The following VAMP1 variants were observed in gnomAD, a reference collection of about 807,000 sequenced individuals.
The protein encoded by VAMP1 is vesicle associated membrane protein 1.
Under a neutral mutation model 19.1 loss-of-function variants are expected in VAMP1, and 16 were observed. The ratio of observed to expected loss-of-function variants is 0.84; its 90% CI spans 0.57 to 1.27. The LOEUF (loss-of-function observed/expected upper bound fraction) is 1.27. Ranked by LOEUF, VAMP1 falls within the 50% of genes most tolerant of loss-of-function variation. The pLI is 0.00. For synonymous variants in VAMP1, 37 were observed against 50.2 expected (o/e 0.74, Z 1.11); for missense variants, 109 against 145.4 (o/e 0.75, Z 1.29).
In VAMP1 at chr12:6,463,719, T is replaced by C. The variant is rs1269695639; in HGVS notation, c.*751A>G. On this transcript the variant is annotated 3_prime_UTR_variant, in exon 5 of 5. Transcript: ENST00000396308. This position sits in a 1 kb window ranked among gnomAD's most constrained non-coding sequence, Gnocchi z 4.0. ...TTTGGTGCCCTCATACAGAATGCTG[T>C]AGAAAATGTAAAGAAGAGAAAGCTC... 2.7e-5 allele frequency: 31 copies of C among 1,153,096 alleles called. No homozygotes were observed. Among genetic ancestry groups the C allele is most frequent in the East Asian group, 6.7e-5 (1 of 15,022 alleles). 71.4% of individuals were successfully genotyped at this position (1,153,096 alleles called of 1,614,324 possible). A position where few individuals can be genotyped will look rare whatever the true frequency, so the allele number is the denominator to read the frequency against.
chr12:6,464,190 C>A lies in VAMP1; in HGVS notation c.*280G>T. 6.8e-7 allele frequency: 1 copy of A among 1,469,100 alleles called. No homozygotes were observed. Among genetic ancestry groups the A allele is most frequent in the Non-Finnish European group, 9.1e-7 (1 of 1,103,608 alleles). The allele number at this position is 1,469,100 out of a possible 1,614,324, so 91.0% of individuals were successfully genotyped here. A position where few individuals can be genotyped will look rare whatever the true frequency, so the allele number is the denominator to read the frequency against. On this transcript the variant is annotated 3_prime_UTR_variant, in exon 5 of 5. Coordinates refer to ENST00000396308, the MANE Select transcript of VAMP1 (RefSeq NM_014231.5). ...CTGCCCCTTCCCTTGGCCTCCAACT[C>A]TTTGGGGCTTTGGGGGAACTTGAGA...
chr12:6,464,335 A>G lies in VAMP1; in HGVS notation c.*135T>C. 6.5e-7 allele frequency: 1 copy of G among 1,550,168 alleles called. No individual in the cohort carries two copies. Among genetic ancestry groups the G allele is most frequent in the Non-Finnish European group, 8.7e-7 (1 of 1,146,264 alleles). On this transcript the variant is annotated 3_prime_UTR_variant, in exon 5 of 5. Transcript: ENST00000396308. Reference sequence around the variant, plus strand: ...CAGAGTGCAAATGAACGCAACGAAAAAGGAGGAATGGGTGATGGAGAAGCC... The same window carrying G: ...CAGAGTGCAAATGAACGCAACGAAAGAGGAGGAATGGGTGATGGAGAAGCC...
At position 6,464,457 on chromosome 12, in the gene VAMP1, G is replaced by C; in HGVS notation, c.*13C>G. 1 of 1,560,296 alleles carries C rather than the reference G, an allele frequency of 6.4e-7. No homozygotes were observed. Among genetic ancestry groups the C allele is most frequent in the Non-Finnish European group, 8.7e-7 (1 of 1,151,666 alleles). On this transcript the variant is annotated 3_prime_UTR_variant, in exon 5 of 5. Coordinates refer to ENST00000396308, the MANE Select transcript of VAMP1 (RefSeq NM_014231.5). ...TGGATGGCAATGGACAACAGGGAAG[G>C]GGTGGTACATTCTCAAGTAAAAAAG... is the stretch of plus-strand genomic sequence containing the variant.
At chr12:6,469,774 C>T (rs1454805816) in intron 1 of VAMP1, among the ~76,000 whole-genome samples, 2 of 152,128 alleles carry the variant, frequency 1.3e-5, no homozygotes, top group Admixed American at 1.3e-4. Flanking sequence ...CAAGATCATG[C>T]GAAGGGGGTG....
In VAMP1 at chr12:6,463,103, G is replaced by A. The variant is rs776900454; in HGVS notation, c.*1367C>T. ...CATCCTGAAGCTCAGCAATTGCCCC[G>A]AAGATAGGCTGAGCAGATCCCATCC... is the stretch of plus-strand genomic sequence containing the variant. On this transcript the variant is annotated 3_prime_UTR_variant, in exon 5 of 5. Coordinates refer to ENST00000396308, the MANE Select transcript of VAMP1 (RefSeq NM_014231.5). The surrounding 1 kb of genome is among the most constrained non-coding windows in gnomAD (Gnocchi z 4.0). 1,095 of 1,517,090 alleles carry A rather than the reference G, an allele frequency of 7.2e-4. 2 individuals carry two copies. Among genetic ancestry groups the A allele is most frequent in the Non-Finnish European group, 5.6e-4 (634 of 1,136,152 alleles). 94.0% of individuals were successfully genotyped at this position (1,517,090 alleles called of 1,614,324 possible). A position where few individuals can be genotyped will look rare whatever the true frequency, so the allele number is the denominator to read the frequency against.
At chr12:6,469,810 C>A (rs1565529268) in intron 1 of VAMP1, among the ~76,000 whole-genome samples, 1 of 152,170 alleles carries the variant, frequency 6.6e-6, no homozygotes, top group African/African-American at 2.4e-5. Flanking sequence ...GGAGACTAAA[C>A]TGTGTGTGTT....
Position 6,462,758 on chromosome 12 carries a change from G to A in VAMP1, c.*1712C>T. 6.8e-7 allele frequency: 1 copy of A among 1,476,712 alleles called. No homozygotes were observed. Among genetic ancestry groups the A allele is most frequent in the Non-Finnish European group, 9.2e-7 (1 of 1,089,722 alleles). The allele number at this position is 1,476,712 out of a possible 1,614,324, so 91.5% of individuals were successfully genotyped here. ...AGCGGTGACCCCCTGCATTAGGCAA[G>A]GAGGAGCCCAGAGGAGAGTGGAGAC... is the stretch of plus-strand genomic sequence containing the variant. On this transcript the variant is annotated 3_prime_UTR_variant, in exon 5 of 5. Coordinates refer to ENST00000396308, the MANE Select transcript of VAMP1 (RefSeq NM_014231.5).
At chr12:6,469,195 C>G (rs952336433) in intron 1 of VAMP1, among the ~76,000 whole-genome samples, 5 of 152,176 alleles carry the variant, frequency 3.3e-5, no homozygotes, top group African/African-American at 1.2e-4. Flanking sequence ...ATGGGAGCCA[C>G]AAGACTCTTG....
rs1949930129 is a variant in VAMP1 at position 6,463,369 on chromosome 12, G to C, written c.*1101C>G. On this transcript the variant is annotated 3_prime_UTR_variant, in exon 5 of 5. Coordinates refer to ENST00000396308, the MANE Select transcript of VAMP1 (RefSeq NM_014231.5). The surrounding 1 kb of genome is among the most constrained non-coding windows in gnomAD (Gnocchi z 4.0). ...TCTACATGACTTCTCTGCATCCTGAGGATCGGCCGGGCCCCAGGAAGAACC... is the reference window on the plus strand; with the variant it reads ...TCTACATGACTTCTCTGCATCCTGACGATCGGCCGGGCCCCAGGAAGAACC... 5 of 1,090,864 alleles carry C rather than the reference G, an allele frequency of 4.6e-6. No individual in the cohort carries two copies. In the South Asian group the frequency reaches 1.4e-4, roughly 30 times the overall value. 67.6% of individuals were successfully genotyped at this position (1,090,864 alleles called of 1,614,324 possible). A position where few individuals can be genotyped will look rare whatever the true frequency, so the allele number is the denominator to read the frequency against.
intron 1 of VAMP1, among the ~76,000 whole-genome samples, chr12:6,468,957 C>G (rs1054535343): frequency 1.3e-5 from 2 of 152,150 alleles, no homozygotes; most frequent in Non-Finnish European, 2.9e-5. Flanking sequence ...AAAAATGAAA[C>G]CACAAAGTCA....
At chr12:6,465,360 A>ATATATATATATATACATGTATATATATG (rs1565525912) in intron 3 of VAMP1, 2 of 187,594 alleles carry the variant, frequency 1.1e-5, no homozygotes, top group Non-Finnish European at 2.1e-5. Flanking sequence ...AGAAAAAAGT[A>ATATATATATATATACATGTATATATATG]TATATATATA....
rs753080874 is a variant in VAMP1, at chr12:6,464,946, G to A, written c.289-5C>T. The stretch of plus-strand genomic sequence containing the variant: ...GGCTCCCAGCATGATCATCATCTGA[G>A]GAAACATGGACAAAAAATGAGCCCT... On this transcript the variant is annotated splice_region_variant and splice_polypyrimidine_tract_variant and intron_variant, in intron 3 of 4. Coordinates refer to ENST00000396308, the MANE Select transcript of VAMP1 (RefSeq NM_014231.5). 1.2e-6 allele frequency: 2 copies of A among 1,613,556 alleles called. No homozygotes were observed. Among genetic ancestry groups the A allele is most frequent in the Non-Finnish European group, 8.5e-7 (1 of 1,179,854 alleles).
chr12:6,466,397 A>T, intron 1 of VAMP1, 46 bp from the exon 2 acceptor site: 2 of 1,583,174 alleles, frequency 1.3e-6, no homozygotes, highest in Non-Finnish European at 1.7e-6. Flanking sequence ...CAAGACAAGA[A>T]AGGAGCTGGG....
intron 2 of VAMP1, 105 bp downstream of exon 2, chr12:6,466,120 G>A: frequency 6.2e-7 from 1 of 1,610,362 alleles, no homozygotes; most frequent in Non-Finnish European, 8.5e-7. Context: ...GCCTCTCAGG[G>A]CCTTTGACTA....
intron 1 of VAMP1, among the ~76,000 whole-genome samples, chr12:6,469,491 T>C (rs1945713897): frequency 1.3e-5 from 2 of 151,956 alleles, no homozygotes; most frequent in African/African-American, 4.8e-5. Flanking sequence ...ACCATAGAAA[T>C]CAAAAAGAAA....
chr12:6,465,259 A>G (rs540571234), intron 3 of VAMP1: 5 of 443,926 alleles, frequency 1.1e-5, no homozygotes, highest in African/African-American at 6.2e-5. Flanking sequence ...AATTAGTTCA[A>G]TTTTCACTGT....
intron 1 of VAMP1, among the ~76,000 whole-genome samples, 186 bp downstream of exon 1, chr12:6,470,344 G>T (rs1442022224): frequency 6.6e-6 from 1 of 151,694 alleles, no homozygotes; most frequent in Non-Finnish European, 1.5e-5. Flanking sequence ...TGCTAGCTGT[G>T]GCTGGTGCGA....
In VAMP1 at chr12:6,463,619, C is replaced by T; in HGVS notation, c.*851G>A. On this transcript the variant is annotated 3_prime_UTR_variant, in exon 5 of 5. Transcript: ENST00000396308. This position sits in a 1 kb window ranked among gnomAD's most constrained non-coding sequence, Gnocchi z 4.0. ...TCTCTATAACTAACAGGCAATCTCT[C>T]TCTTTATGCCAACAATTAACTGGGA... is the stretch of plus-strand genomic sequence containing the variant. 9.3e-7 allele frequency: 1 copy of T among 1,080,548 alleles called. No homozygotes were observed. The highest frequency in any genetic ancestry group is 1.1e-6 in the Non-Finnish European group (1 of 885,724). 66.9% of individuals were successfully genotyped at this position (1,080,548 alleles called of 1,614,324 possible). A position where few individuals can be genotyped will look rare whatever the true frequency, so the allele number is the denominator to read the frequency against.
At position 6,470,623 on chromosome 12, in the gene VAMP1, G is replaced by C. The variant is rs1012788950; in HGVS notation, c.-92C>G. ...CGCTGCGGCTGAAGTGGACGGAACT[G>C]CCAAGCTCCGCCTCGCGCCGACTAC... On this transcript the variant is annotated 5_prime_UTR_variant, in exon 1 of 5. Transcript: ENST00000396308. 13 of 1,538,474 alleles carry C rather than the reference G, an allele frequency of 8.4e-6. No individual in the cohort carries two copies. Among genetic ancestry groups the C allele is most frequent in the South Asian group, 3.4e-5 (3 of 88,316 alleles).
Sources: allele counts gnomAD v4.1 joint callset (sites outside exome capture counted in the v4.1 genomes callset), GRCh38; gene constraint gnomAD v4.1.1; non-coding constraint Gnocchi (gnomAD v3.1); transcripts MANE v1.5; gene names NCBI Gene and HGNC (gene_info 2026-07-23, HGNC 2026-07-21).